Variants in AMOTL1 observed in about 807,000 individuals in gnomAD.
AMOTL1 encodes angiomotin like 1.
A neutral mutation model predicts 102.9 loss-of-function variants in AMOTL1; 45 were observed. That is an observed-to-expected ratio of 0.44 (90% CI 0.34 to 0.56). The LOEUF (loss-of-function observed/expected upper bound fraction) is 0.56. Among genes scored for constraint, AMOTL1 ranks in the 20% least tolerant of loss-of-function variants. AMOTL1 has a pLI of 0.01. For synonymous variants in AMOTL1, 481 were observed against 484.7 expected, an observed-to-expected ratio of 0.99 and a Z score of 0.10; for missense variants, 1,114 against 1,225.6, an observed-to-expected ratio of 0.91 and a Z score of 1.36.
At chr11:94,868,024 G>T (rs1014090848) in intron 11 of AMOTL1, among the ~76,000 whole-genome samples, 8 of 152,334 alleles carry the variant, frequency 5.3e-5, no homozygotes, top group Admixed American at 2.6e-4. Context: ...GCAGGTGAAG[G>T]CCTTTGCTGC....
chr11:94,836,220 C>G (rs1952177322), intron 6 of AMOTL1, among the ~76,000 whole-genome samples: 1 of 152,172 alleles, frequency 6.6e-6, no homozygotes. Context: ...CATTAGGTTT[C>G]ATTACATCAG....
chr11:94,746,601 C>T (rs1268247353), intron 3 of AMOTL1, among the ~76,000 whole-genome samples: 2 of 152,174 alleles, frequency 1.3e-5, no homozygotes, highest in African/African-American at 4.8e-5. Context: ...CCTATCTAGC[C>T]TTCAACCCTA....
At chr11:94,853,875 C>A (rs911724291) in intron 7 of AMOTL1, 58 bp from the exon 8 acceptor site, 8 of 1,567,848 alleles carry the variant, frequency 5.1e-6, no homozygotes, top group African/African-American at 1.3e-5. Context: ...CTCCTCCACC[C>A]CAGCTTTGAG....
chr11:94,858,771 G>C (rs1438893777), intron 8 of AMOTL1, among the ~76,000 whole-genome samples: 3 of 152,146 alleles, frequency 2.0e-5, no homozygotes, highest in Admixed American at 1.3e-4. Context: ...ATCTTCTTCT[G>C]TGTCATGCTC....
At chr11:94,859,748 G>A in intron 9 of AMOTL1, 33 bp downstream of exon 9, 1 of 1,547,862 alleles carries the variant, frequency 6.5e-7, no homozygotes. Context: ...GGTCATAAAA[G>A]CACAGTTAAA....
intron 3 of AMOTL1, among the ~76,000 whole-genome samples, chr11:94,746,624 A>G (rs567009201): frequency 6.6e-6 from 1 of 152,156 alleles, no homozygotes; most frequent in African/African-American, 2.4e-5. Flanking sequence ...CCCATGTGTC[A>G]TGTCCTCCTG....
chr11:94,853,894 G>C (rs535580440), intron 7 of AMOTL1, 39 bp from the exon 8 acceptor site: 251 of 1,589,770 alleles, frequency 1.6e-4, no homozygotes, highest in Non-Finnish European at 2.0e-4. Flanking sequence ...AGAATCAGTG[G>C]TCTAAATTCT....
chr11:94,828,452 AG>A (rs1952009246), intron 4 of AMOTL1, among the ~76,000 whole-genome samples: 1 of 152,084 alleles, frequency 6.6e-6, no homozygotes, highest in Admixed American at 6.6e-5. Context: ...GGATGAGATC[AG>A]AGTTATAATC....
intron 1 of AMOTL1, among the ~76,000 whole-genome samples, chr11:94,774,929 C>T (rs1565347139): frequency 6.6e-6 from 1 of 152,188 alleles, no homozygotes; most frequent in Non-Finnish European, 1.5e-5. Context: ...TTTTGTGCCT[C>T]ACTTTCCTGA....
chr11:94,780,479 A>C (rs952036519), intron 1 of AMOTL1, among the ~76,000 whole-genome samples: 1 of 152,248 alleles, frequency 6.6e-6, no homozygotes, highest in African/African-American at 2.4e-5. Context: ...TAATTTTAGC[A>C]TAGTTTGTTA....
At chr11:94,733,424 T>C (rs536222019) in intron 2 of AMOTL1, among the ~76,000 whole-genome samples, 10 of 152,364 alleles carry the variant, frequency 6.6e-5, no homozygotes, top group African/African-American at 2.2e-4. Context: ...AGGACACTTA[T>C]TAAAGATTAG....
chr11:94,769,830 TGA>T (rs1291324147), intron 1 of AMOTL1, among the ~76,000 whole-genome samples: 1 of 152,162 alleles, frequency 6.6e-6, no homozygotes, highest in Admixed American at 6.5e-5. Flanking sequence ...TTATGAGAAC[TGA>T]GTTTTTGTAC....
intron 11 of AMOTL1, chr11:94,866,605 G>T (rs1028603353): frequency 5.2e-6 from 1 of 191,808 alleles, no homozygotes. Context: ...TGGGATAATG[G>T]GGGGAGGAGA....
At chr11:94,722,413 T>C (rs2135446072) in intron 1 of AMOTL1, among the ~76,000 whole-genome samples, 1 of 152,254 alleles carries the variant, frequency 6.6e-6, no homozygotes, top group Admixed American at 6.5e-5. Flanking sequence ...ACAACTACTA[T>C]TGTCATTTAC....
intron 2 of AMOTL1, among the ~76,000 whole-genome samples, chr11:94,735,564 C>T (rs1950426979): frequency 6.6e-6 from 1 of 152,116 alleles, no homozygotes; most frequent in African/African-American, 2.4e-5. Flanking sequence ...TCTTGCCTTC[C>T]TAAACAGAAA....
chr11:94,865,831 A>C, intron 10 of AMOTL1, 111 bp from the exon 11 acceptor site: 1 of 908,874 alleles, frequency 1.1e-6, no homozygotes. Flanking sequence ...ACTGTGCTTC[A>C]TCCTGTATCC....
chr11:94,822,816 A>G (rs558200089), intron 4 of AMOTL1, among the ~76,000 whole-genome samples: 15 of 152,322 alleles, frequency 9.8e-5, no homozygotes, highest in African/African-American at 3.4e-4. Flanking sequence ...TGCTACAGGT[A>G]GGATGCAAGG....
At chr11:94,863,905 A>T (rs1355201018) in intron 9 of AMOTL1, among the ~76,000 whole-genome samples, 1 of 152,174 alleles carries the variant, frequency 6.6e-6, no homozygotes, top group Non-Finnish European at 1.5e-5. Flanking sequence ...CCCTCACTGC[A>T]CCCACCTCAC....
At chr11:94,827,726 C>T (rs552168906) in intron 4 of AMOTL1, among the ~76,000 whole-genome samples, 1 of 152,348 alleles carries the variant, frequency 6.6e-6, no homozygotes, top group South Asian at 2.1e-4. Flanking sequence ...CTCAGCTCGG[C>T]TCCAGTTGGC....
Sources: allele counts gnomAD v4.1 joint callset (sites outside exome capture counted in the v4.1 genomes callset), GRCh38; gene constraint gnomAD v4.1.1; transcripts MANE v1.5; gene names NCBI Gene and HGNC (gene_info 2026-07-23, HGNC 2026-07-21).